Variants in RNF216 observed in about 807,000 individuals in gnomAD.
RNF216 encodes the protein ring finger protein 216.
Under a neutral mutation model 110.8 loss-of-function variants are expected in RNF216, and 72 were observed. That is an observed-to-expected ratio of 0.65 (90% CI 0.54 to 0.79). RNF216 has a LOEUF of 0.79. Ranked by LOEUF, RNF216 falls within the 30% of genes least tolerant of loss-of-function variation. The pLI, the probability that RNF216 is intolerant of heterozygous loss-of-function variation, is 0.00. For synonymous variants in RNF216, 495 were observed against 407.5 expected (o/e 1.21, Z -2.59); for missense variants, 1,342 against 1,141.2 (o/e 1.18, Z -2.54).
At chr7:5,752,007 T>G (rs1217499157) in intron 3 of RNF216, among the ~76,000 whole-genome samples, 2 of 151,672 alleles carry the variant, frequency 1.3e-5, no homozygotes, top group African/African-American at 2.4e-5. Context: ...CCAAGATAGT[T>G]AAACCTATCT....
At chr7:5,707,189 T>C (rs949059961) in intron 13 of RNF216, among the ~76,000 whole-genome samples, 24 of 152,236 alleles carry the variant, frequency 1.6e-4, no homozygotes, top group African/African-American at 5.8e-4. Context: ...AGTCAGGAAG[T>C]GTGAGGCTTC....
intron 13 of RNF216, among the ~76,000 whole-genome samples, chr7:5,683,424 A>G (rs957965431): frequency 4.6e-5 from 7 of 152,136 alleles, no homozygotes; most frequent in African/African-American, 1.2e-4. Flanking sequence ...AGAGGTGTCT[A>G]TATCTAAGTG....
At chr7:5,757,436 A>C (rs1465028648) in intron 2 of RNF216, among the ~76,000 whole-genome samples, 1 of 150,168 alleles carries the variant, frequency 6.7e-6, no homozygotes, top group East Asian at 2.0e-4. Flanking sequence ...GGCTATCTGC[A>C]TGATGTACCT....
intron 14 of RNF216, among the ~76,000 whole-genome samples, chr7:5,642,837 C>T (rs1787824004): frequency 6.6e-6 from 1 of 152,214 alleles, no homozygotes. Flanking sequence ...CCAAACACAA[C>T]TGCAATTTTC....
At chr7:5,780,678 C>G (rs1044962566) in intron 1 of RNF216, among the ~76,000 whole-genome samples, 1 of 151,766 alleles carries the variant, frequency 6.6e-6, no homozygotes, top group African/African-American at 2.4e-5. Context: ...GCACTCCAGC[C>G]TGGGCAACAG....
chr7:5,740,583 T>A (rs967846575), intron 4 of RNF216, among the ~76,000 whole-genome samples: 1 of 152,190 alleles, frequency 6.6e-6, no homozygotes, highest in Non-Finnish European at 1.5e-5. Flanking sequence ...CTGTAAGACA[T>A]TTAAATGTAA....
chr7:5,712,953 G>C (rs1792811525), intron 11 of RNF216, 90 bp from the exon 12 acceptor site: 4 of 1,164,746 alleles, frequency 3.4e-6, no homozygotes, highest in East Asian at 2.6e-5. Flanking sequence ...TAGATCCTGA[G>C]ACAACATAGC....
intron 13 of RNF216, among the ~76,000 whole-genome samples, chr7:5,660,190 C>A (rs891058089): frequency 6.9e-6 from 1 of 145,668 alleles, no homozygotes; most frequent in Non-Finnish European, 1.5e-5. Flanking sequence ...TGGGCTCAAG[C>A]GATCTGCCCA....
intron 13 of RNF216, among the ~76,000 whole-genome samples, chr7:5,657,019 C>T (rs1308625700): frequency 6.6e-6 from 1 of 152,244 alleles, no homozygotes; most frequent in Non-Finnish European, 1.5e-5. Context: ...GTTTCCTTGC[C>T]TTCCTTGCAA....
chr7:5,722,287 G>C (rs1474360913), intron 8 of RNF216, among the ~76,000 whole-genome samples: 1 of 150,712 alleles, frequency 6.6e-6, no homozygotes, highest in African/African-American at 2.4e-5. Flanking sequence ...GTCTGTTCTT[G>C]GTAATCTCTT....
chr7:5,764,891 G>A (rs1291504979), intron 1 of RNF216, among the ~76,000 whole-genome samples: 1 of 151,894 alleles, frequency 6.6e-6, no homozygotes, highest in Non-Finnish European at 1.5e-5. Context: ...AACTTGGTGA[G>A]ACCCCATCTC....
At chr7:5,623,808 A>G (rs1218451749) in intron 16 of RNF216, among the ~76,000 whole-genome samples, 6 of 151,950 alleles carry the variant, frequency 3.9e-5, no homozygotes, top group Non-Finnish European at 8.8e-5. Flanking sequence ...TTGATTCCTG[A>G]GCTCAAACCC....
chr7:5,684,828 A>G (rs1405675251), intron 13 of RNF216, among the ~76,000 whole-genome samples: 4 of 142,004 alleles, frequency 2.8e-5, no homozygotes, highest in African/African-American at 1.1e-4. Flanking sequence ...CATGCCTCAC[A>G]TTTTTAAGGT....
chr7:5,712,597 C>A (rs1792780512), intron 12 of RNF216, 118 bp downstream of exon 12: 2 of 979,918 alleles, frequency 2.0e-6, no homozygotes, highest in Middle Eastern at 3.3e-4. Context: ...TATTTCTCAG[C>A]AAGAAATGTC....
At chr7:5,644,075 G>A (rs1303630359) in intron 14 of RNF216, among the ~76,000 whole-genome samples, 1 of 152,110 alleles carries the variant, frequency 6.6e-6, no homozygotes, top group Non-Finnish European at 1.5e-5. Flanking sequence ...TATCATATTA[G>A]TTTATTCATG....
chr7:5,758,862 T>G (rs190326995), intron 2 of RNF216, among the ~76,000 whole-genome samples: 1 of 152,260 alleles, frequency 6.6e-6, no homozygotes, highest in African/African-American at 2.4e-5. Context: ...TGGGGACTGT[T>G]GGGAAGACGC....
intron 4 of RNF216, among the ~76,000 whole-genome samples, chr7:5,740,284 G>A (rs1298994583): frequency 1.3e-5 from 2 of 151,668 alleles, no homozygotes; most frequent in African/African-American, 4.8e-5. Context: ...CCGCCACCAC[G>A]CCCGGCTAAT....
At position 5,624,972 on chromosome 7, in the gene RNF216, T is replaced by G. The variant is rs852461; in HGVS notation, c.2383-847A>C. 0.18 allele frequency among the ~76,000 whole-genome samples: 27,935 copies of G among 152,172 alleles called. 4,534 individuals are homozygous for G. The highest frequency in any genetic ancestry group is 0.44 in the African/African-American group (18,174 of 41,484). ...TGATGCCTGCTTCATGAGTGGCGCT[T>G]ACCTTAACCCCCCTCCTCAGTGACC... On this transcript the variant is annotated intron_variant, in intron 15 of 16. Transcript: ENST00000389902. This position sits in a 1 kb window ranked among gnomAD's most constrained non-coding sequence, Gnocchi z 4.4.
chr7:5,729,774 C>A (rs1035331), intron 6 of RNF216, among the ~76,000 whole-genome samples, 178 bp from the exon 7 acceptor site: 123,584 of 152,184 alleles, frequency 0.81, 52,052 homozygotes, highest in Middle Eastern at 0.91. Flanking sequence ...GTTAAACAAA[C>A]CTGTCTGGAG....
Sources: allele counts gnomAD v4.1 joint callset (sites outside exome capture counted in the v4.1 genomes callset), GRCh38; gene constraint gnomAD v4.1.1; non-coding constraint Gnocchi (gnomAD v3.1); transcripts MANE v1.5; gene names NCBI Gene and HGNC (gene_info 2026-07-23, HGNC 2026-07-21).